GAB2: variants seen among roughly 807,000 people sequenced by gnomAD.
GAB2 encodes the protein GRB2-associated-binding protein 2.
GAB2 carries 26 observed loss-of-function variants against 65.5 expected under a neutral mutation model. The ratio of observed to expected loss-of-function variants is 0.40; its 90% CI spans 0.29 to 0.55. GAB2 has a LOEUF of 0.55. Ranked by LOEUF, GAB2 falls within the 20% of genes least tolerant of loss-of-function variation. The pLI is 0.53. For synonymous variants in GAB2, 321 were observed against 329.6 expected, an observed-to-expected ratio of 0.97 and a Z score of 0.28; for missense variants, 884 against 875.8, an observed-to-expected ratio of 1.01 and a Z score of -0.12.
chr11:78,220,193 G>A (rs569079543), intron 9 of GAB2, 126 bp downstream of exon 9: 3 of 927,642 alleles, frequency 3.2e-6, no homozygotes, highest in African/African-American at 3.3e-5. Context: ...CATCATAAAA[G>A]CTGGGTACTG....
intron 1 of GAB2, among the ~76,000 whole-genome samples, chr11:78,345,140 T>G (rs1856160052): frequency 6.6e-6 from 1 of 152,044 alleles, no homozygotes; most frequent in Non-Finnish European, 1.5e-5. Context: ...ATTAGCTAGG[T>G]GTGGTGGCAC....
chr11:78,259,494 C>G (rs1297150143), intron 2 of GAB2, among the ~76,000 whole-genome samples: 2 of 152,176 alleles, frequency 1.3e-5, no homozygotes, highest in African/African-American at 2.4e-5. Flanking sequence ...AGCATGCTGA[C>G]AGGTGCTGAG....
At chr11:78,386,376 A>T (rs1412566390) in intron 1 of GAB2, among the ~76,000 whole-genome samples, 2 of 152,202 alleles carry the variant, frequency 1.3e-5, no homozygotes, top group South Asian at 4.1e-4. Flanking sequence ...CAAGCACTTG[A>T]TATCTCTTCT....
chr11:78,258,591 T>A (rs1329236033), intron 2 of GAB2, among the ~76,000 whole-genome samples: 1 of 146,022 alleles, frequency 6.8e-6, no homozygotes, highest in East Asian at 2.1e-4. Context: ...TTTTTTTAAA[T>A]TTTTTAATTT....
chr11:78,306,527 C>T (rs964293677), intron 1 of GAB2, among the ~76,000 whole-genome samples: 4 of 152,186 alleles, frequency 2.6e-5, no homozygotes, highest in Admixed American at 2.0e-4. Context: ...GCACTGCGCC[C>T]GGCCCCTATA....
chr11:78,232,574 G>A (rs1864875374), intron 3 of GAB2, among the ~76,000 whole-genome samples: 1 of 152,196 alleles, frequency 6.6e-6, no homozygotes, highest in Admixed American at 6.5e-5. Flanking sequence ...CTCAGTGGAA[G>A]ACCTGCATTT....
chr11:78,282,588 T>C (rs1177779595), intron 1 of GAB2, among the ~76,000 whole-genome samples: 1 of 152,092 alleles, frequency 6.6e-6, no homozygotes, highest in African/African-American at 2.4e-5. Context: ...GGATTACAAG[T>C]GTGAGCCACT....
At chr11:78,376,791 T>C (rs1856636434) in intron 1 of GAB2, among the ~76,000 whole-genome samples, 5 of 151,986 alleles carry the variant, frequency 3.3e-5, no homozygotes, top group Admixed American at 2.6e-4. Flanking sequence ...CAAATTACCA[T>C]AGACTAGGTG....
intron 2 of GAB2, among the ~76,000 whole-genome samples, chr11:78,274,601 G>A (rs1310766431): frequency 6.6e-6 from 1 of 152,244 alleles, no homozygotes; most frequent in African/African-American, 2.4e-5. Flanking sequence ...ACCTGCTCAT[G>A]TAATCAGAGT....
intron 9 of GAB2, among the ~76,000 whole-genome samples, chr11:78,219,967 C>T (rs1271973016): frequency 6.6e-6 from 1 of 152,116 alleles, no homozygotes; most frequent in Non-Finnish European, 1.5e-5. Flanking sequence ...TGGACCCACT[C>T]GAGAGCCCAG....
intron 1 of GAB2, among the ~76,000 whole-genome samples, chr11:78,394,758 C>T (rs1051807303): frequency 2.0e-5 from 3 of 152,174 alleles, no homozygotes; most frequent in African/African-American, 7.2e-5. Context: ...GTTCCCCACC[C>T]AAAACGGCTG....
At chr11:78,311,494 C>T (rs1297478639) in intron 1 of GAB2, among the ~76,000 whole-genome samples, 1 of 151,856 alleles carries the variant, frequency 6.6e-6, no homozygotes, top group Non-Finnish European at 1.5e-5. Flanking sequence ...GATATAAGAA[C>T]AGTTCAACAA....
chr11:78,267,325 A>G (rs978859290), intron 2 of GAB2, among the ~76,000 whole-genome samples: 22 of 152,242 alleles, frequency 1.4e-4, no homozygotes, highest in Admixed American at 1.4e-3. Flanking sequence ...CCATGAGTAC[A>G]GAAGCAGAAG....
chr11:78,373,683 A>T (rs1173203330), intron 1 of GAB2, among the ~76,000 whole-genome samples: 2 of 152,258 alleles, frequency 1.3e-5, no homozygotes, highest in Non-Finnish European at 2.9e-5. Flanking sequence ...TAAGTAATAC[A>T]TGTAAATTGC....
At chr11:78,288,819 A>G (rs1054447638) in intron 1 of GAB2, among the ~76,000 whole-genome samples, 3 of 152,250 alleles carry the variant, frequency 2.0e-5, no homozygotes, top group Admixed American at 2.0e-4. Context: ...TGTACGTAAG[A>G]TTGTTCTAAA....
intron 1 of GAB2, among the ~76,000 whole-genome samples, chr11:78,416,891 G>A (rs939019897): frequency 4.0e-5 from 6 of 151,730 alleles, no homozygotes; most frequent in East Asian, 3.9e-4. Context: ...AGCGATCTCA[G>A]TAAACACTGT....
chr11:78,289,102 A>G (rs762444054), intron 1 of GAB2, among the ~76,000 whole-genome samples: 3 of 152,210 alleles, frequency 2.0e-5, no homozygotes, highest in Non-Finnish European at 4.4e-5. Flanking sequence ...TGTAAAAGCA[A>G]TTCAATCAAG....
In GAB2 at chr11:78,374,880, A is replaced by C. The variant is rs529880339; in HGVS notation, c.75+42766T>G. On this transcript the variant is annotated intron_variant, in intron 1 of 9. Transcript: ENST00000361507. Reference sequence around the variant, plus strand: ...GGGTAAGGAGGGGAATAAATGCCAGAATGCAGTTGCTAAATTGGATCTTCA... The same window carrying C: ...GGGTAAGGAGGGGAATAAATGCCAGCATGCAGTTGCTAAATTGGATCTTCA... Among the ~76,000 whole-genome samples, 397 of 152,316 alleles carry C rather than the reference A, an allele frequency of 2.6e-3. 7 individuals carry two copies. The highest frequency in any genetic ancestry group is 0.02 in the Middle Eastern group (6 of 294).
intron 5 of GAB2, among the ~76,000 whole-genome samples, 194 bp from the exon 6 acceptor site, chr11:78,223,870 G>A (rs1293350492): frequency 6.6e-6 from 1 of 152,082 alleles, no homozygotes; most frequent in African/African-American, 2.4e-5. Flanking sequence ...CACTTGAGGT[G>A]AGGGGTTCGA....
Sources: allele counts gnomAD v4.1 joint callset (sites outside exome capture counted in the v4.1 genomes callset), GRCh38; gene constraint gnomAD v4.1.1; transcripts MANE v1.5; gene names NCBI Gene and HGNC (gene_info 2026-07-23, HGNC 2026-07-21).